Variants in OR4M1 observed in about 807,000 individuals in gnomAD.
OR4M1 encodes the protein olfactory receptor family 4 subfamily M member 1.
In OR4M1, 7 loss-of-function variants were observed where a neutral mutation model predicts 9.8. The observed-to-expected ratio is 0.71, with a 90% confidence interval of 0.41 to 1.34. The LOEUF (loss-of-function observed/expected upper bound fraction) is 1.34. Ranked by LOEUF, OR4M1 falls within the 40% of genes most tolerant of loss-of-function variation. The pLI is 0.01. For synonymous variants in OR4M1, 121 were observed against 139.8 expected, an observed-to-expected ratio of 0.87 and a Z score of 0.95; for missense variants, 331 against 380.4, an observed-to-expected ratio of 0.87 and a Z score of 1.08.
chr14:19,780,947 G>C lies in OR4M1; in HGVS notation c.625G>C (p.Val209Leu), dbSNP rs763943784. Reference sequence around the variant, plus strand: ...CTGTAGTAGTGGTCTGATCTCTGTGGTGTGTTTCATTGCTCTGTTAATGTC... The same window carrying C: ...CTGTAGTAGTGGTCTGATCTCTGTGCTGTGTTTCATTGCTCTGTTAATGTC... ...MICSSGLISV[V>L]CFIALLMSYA... Residue 209 changes from valine to leucine, a missense_variant, in exon 2 of 2, where the codon GTG becomes CTG. By Grantham distance (32) the Val-to-Leu change is conservative (BLOSUM62 1). This residue lies in a region of OR4M1 where 122 missense variants were observed against 180.5 expected (regional missense o/e 0.68). Coordinates refer to ENST00000641200, the MANE Select transcript of OR4M1 (RefSeq NM_001005500.2). The C allele has an allele frequency of 1.9e-6, 3 of 1,614,190 alleles. No homozygotes were observed. The highest frequency in any genetic ancestry group is 1.1e-5 in the South Asian group (1 of 91,084).
intron 1 of OR4M1, among the ~76,000 whole-genome samples, chr14:19,774,735 A>C (rs1206478379): frequency 6.6e-6 from 1 of 152,230 alleles, no homozygotes; most frequent in African/African-American, 2.4e-5. Context: ...GTCTGGGAAA[A>C]ATGTGGGGAC....
intron 1 of OR4M1, among the ~76,000 whole-genome samples, chr14:19,776,024 C>T (rs559028934): frequency 1.3e-5 from 2 of 152,198 alleles, no homozygotes; most frequent in African/African-American, 2.4e-5. Flanking sequence ...GTTTCCTATA[C>T]CCGTCTATAT....
In OR4M1 at chr14:19,781,323, TTTGCAGTAA is replaced by T; in HGVS notation, c.*61_*69del. On this transcript the variant is annotated 3_prime_UTR_variant, in exon 2 of 2. Coordinates refer to ENST00000641200, the MANE Select transcript of OR4M1 (RefSeq NM_001005500.2). ...GATCATTGTCCTAAAGCAGGAAGTA[TTTGCAGTAA>T]TAATGCTGCATTCACTTCCTCCGTT... 7.2e-7 allele frequency: 1 copy of T among 1,383,460 alleles called. No individual in the cohort carries two copies. The allele number at this position is 1,383,460 out of a possible 1,614,324, so 85.7% of individuals were successfully genotyped here.
Position 19,782,166 on chromosome 14 carries a change from A to G in OR4M1, c.*902A>G, listed in dbSNP as rs1487714212. On this transcript the variant is annotated 3_prime_UTR_variant, in exon 2 of 2. Coordinates refer to ENST00000641200, the MANE Select transcript of OR4M1 (RefSeq NM_001005500.2). Reference sequence around the variant, plus strand: ...CTCTCATGTTAAACTTAAATTGGTTAGGTGCTGTTTTTGTTAGCGCTTAAT... The same window carrying G: ...CTCTCATGTTAAACTTAAATTGGTTGGGTGCTGTTTTTGTTAGCGCTTAAT... 6.6e-6 allele frequency: 1 copy of G among 152,212 alleles called. No homozygotes were observed. The highest frequency in any genetic ancestry group is 1.9e-4 in the East Asian group (1 of 5,200). 9.4% of individuals were successfully genotyped at this position (152,212 alleles called of 1,614,324 possible). A position where few individuals can be genotyped will look rare whatever the true frequency, so the allele number is the denominator to read the frequency against.
chr14:19,780,484 T>A lies in OR4M1; in HGVS notation c.162T>A (p.His54Gln). 2 of 1,614,216 alleles carry A rather than the reference T, an allele frequency of 1.2e-6. No homozygotes were observed. The highest frequency in any genetic ancestry group is 1.7e-6 in the Non-Finnish European group (2 of 1,180,016). The change falls in exon 2 of 2, where the codon CAT becomes CAA. Residue 54 changes from histidine (H) to glutamine (Q), a missense_variant. His to Gln is a conservative substitution (Grantham distance 24, BLOSUM62 0). Coordinates refer to ENST00000641200, the MANE Select transcript of OR4M1 (RefSeq NM_001005500.2). Reference sequence around the variant, plus strand: ...TTTGCACCATCAGGCTAGACCCTCATCTGACTTCTCCTATGTATTTCCTGT... The same window carrying A: ...TTTGCACCATCAGGCTAGACCCTCAACTGACTTCTCCTATGTATTTCCTGT... ...LIICTIRLDP[H>Q]LTSPMYFLLA...
intron 1 of OR4M1, among the ~76,000 whole-genome samples, chr14:19,776,971 C>T (rs1234775535): frequency 1.5e-5 from 2 of 131,028 alleles, no homozygotes; most frequent in Non-Finnish European, 3.2e-5. Flanking sequence ...ACAAATTATT[C>T]TTCTCTCCAA....
Position 19,782,023 on chromosome 14 carries a change from G to A in OR4M1, c.*759G>A, listed in dbSNP as rs370110802. The A allele has an allele frequency of 6.6e-6, 1 of 152,346 alleles. No homozygotes were observed. Among genetic ancestry groups the A allele is most frequent in the Non-Finnish European group, 1.5e-5 (1 of 68,114 alleles). 9.4% of individuals were successfully genotyped at this position (152,346 alleles called of 1,614,324 possible). A position where few individuals can be genotyped will look rare whatever the true frequency, so the allele number is the denominator to read the frequency against. ...CTTACATCCTTCAGAGTGAAAGCAG[G>A]CTTGGGGAGAAAGCTTCTAGGTTGA... On this transcript the variant is annotated 3_prime_UTR_variant, in exon 2 of 2. Transcript: ENST00000641200.
intron 1 of OR4M1, among the ~76,000 whole-genome samples, chr14:19,778,815 C>T (rs1690860669): frequency 1.8e-5 from 1 of 54,698 alleles, no homozygotes; most frequent in Non-Finnish European, 3.7e-5. Context: ...ACCTTATTAT[C>T]TTTCTTTTGA....
intron 1 of OR4M1, among the ~76,000 whole-genome samples, chr14:19,777,049 T>TATATAG (rs58150334): frequency 1.7e-5 from 2 of 115,770 alleles, no homozygotes; most frequent in Non-Finnish European, 3.4e-5. Context: ...TATATATATA[T>TATATAG]TGTTTGTTTG....
intron 1 of OR4M1, among the ~76,000 whole-genome samples, chr14:19,775,494 A>G (rs1208387615): frequency 3.3e-5 from 5 of 150,848 alleles, no homozygotes; most frequent in Admixed American, 6.7e-5. Context: ...CAGCACTAAC[A>G]CCCCATATCT....
intron 1 of OR4M1, among the ~76,000 whole-genome samples, chr14:19,777,730 G>A (rs1239734360): frequency 6.6e-6 from 1 of 152,214 alleles, no homozygotes. Flanking sequence ...AATATCACAG[G>A]TAGATAGCTT....
rs1878463033 is a variant in OR4M1 at position 19,780,774 on chromosome 14, G to T, written c.452G>T (p.Gly151Val). Residue 151 changes from glycine (G) to valine (V), a missense_variant, in exon 2 of 2, where the codon GGG becomes GTG. Physicochemically the swap from Gly to Val is moderately radical, Grantham distance 109. Coordinates refer to ENST00000641200, the MANE Select transcript of OR4M1 (RefSeq NM_001005500.2). ...ATCCTGGTGGCTCTCTCCTGGATGG[G>T]GGGCTTCATTCATTCTATAATACAG... ...CCILVALSWM[G>V]GFIHSIIQVA... is the part of the protein sequence containing the mutation. The T allele has an allele frequency of 1.2e-6, 2 of 1,614,218 alleles. No individual in the cohort carries two copies. The highest frequency in any genetic ancestry group is 8.5e-7 in the Non-Finnish European group (1 of 1,180,028).
chr14:19,773,612 T>C lies in OR4M1; in HGVS notation c.-30+19T>C, dbSNP rs1364638890. On this transcript the variant is annotated intron_variant, in intron 1 of 1. Coordinates refer to ENST00000641200, the MANE Select transcript of OR4M1 (RefSeq NM_001005500.2). ...GTAATTGGTAGGTGGAAAGTTGTTA[T>C]AACCTTTACATAAACTATCCTATTT... The C allele has an allele frequency of 6.6e-6, 1 of 152,256 alleles. No individual in the cohort carries two copies. Among genetic ancestry groups the C allele is most frequent in the Non-Finnish European group, 1.5e-5 (1 of 68,068 alleles). The allele number at this position is 152,256 out of a possible 1,614,324, so 9.4% of individuals were successfully genotyped here.
Position 19,779,880 on chromosome 14 carries a change from G to A in OR4M1, c.-29-414G>A, listed in dbSNP as rs1418035087. Among the ~76,000 whole-genome samples the A allele has an allele frequency of 4.6e-5, 7 of 152,320 alleles. No homozygotes were observed. In the East Asian group the frequency reaches 1.3e-3, roughly 29 times the overall value. On this transcript the variant is annotated intron_variant, in intron 1 of 1. Transcript: ENST00000641200. ...ATTAGAATGCAAGCCTAAGTTTCCA[G>A]GTTGGCATGATTTTGCAACAAAAAA...
intron 1 of OR4M1, among the ~76,000 whole-genome samples, chr14:19,778,497 CACT>C (rs1445153347): frequency 2.0e-5 from 3 of 152,202 alleles, no homozygotes; most frequent in Non-Finnish European, 4.4e-5. Context: ...AAAAAATAAT[CACT>C]TCCATCTGGT....
rs1201809369 is a variant in OR4M1, at chr14:19,781,609, A to T, written c.*345A>T. The T allele has an allele frequency of 8.0e-6, 2 of 248,812 alleles. No individual in the cohort carries two copies. Among genetic ancestry groups the T allele is most frequent in the Non-Finnish European group, 1.5e-5 (2 of 129,660 alleles). 15.4% of individuals were successfully genotyped at this position (248,812 alleles called of 1,614,324 possible). On this transcript the variant is annotated 3_prime_UTR_variant, in exon 2 of 2. Transcript: ENST00000641200. Reference sequence around the variant, plus strand: ...TGATAAAAATAAATAAGACATGGAGACGTGTCCATTACAAATATGAAGTAA... The same window carrying T: ...TGATAAAAATAAATAAGACATGGAGTCGTGTCCATTACAAATATGAAGTAA...
chr14:19,780,228 G>C, intron 1 of OR4M1, 66 bp from the exon 2 acceptor site: 1 of 1,326,462 alleles, frequency 7.5e-7, no homozygotes, highest in South Asian at 1.5e-5. Flanking sequence ...TGACAATTTT[G>C]AAAGCAGTGA....
chr14:19,776,102 A>G (rs1301202136), intron 1 of OR4M1, among the ~76,000 whole-genome samples: 3 of 152,206 alleles, frequency 2.0e-5, no homozygotes, highest in African/African-American at 7.2e-5. Context: ...TATCCTAAAA[A>G]TAGGAAAATT....
chr14:19,775,627 T>G (rs1167460637), intron 1 of OR4M1, among the ~76,000 whole-genome samples: 1 of 147,150 alleles, frequency 6.8e-6, no homozygotes, highest in South Asian at 2.1e-4. Flanking sequence ...ATTTATATTA[T>G]ATATAAAATA....
Sources: allele counts gnomAD v4.1 joint callset (sites outside exome capture counted in the v4.1 genomes callset), GRCh38; gene constraint gnomAD v4.1.1; regional missense constraint gnomAD v4.1.1; transcripts MANE v1.5; gene names NCBI Gene and HGNC (gene_info 2026-07-23, HGNC 2026-07-21).